Variants in LHFPL3 observed in about 807,000 individuals in gnomAD.
LHFPL3 encodes LHFPL tetraspan subfamily member 3, also known as LHFPL tetraspan subfamily member 3 protein.
In LHFPL3, 5 loss-of-function variants were observed where a neutral mutation model predicts 19.3. The ratio of observed to expected loss-of-function variants is 0.26; its 90% CI spans 0.14 to 0.54. The LOEUF is 0.54. Among genes scored for constraint, LHFPL3 ranks in the 20% least tolerant of loss-of-function variants. LHFPL3 has a pLI of 0.94. For synonymous variants in LHFPL3, 133 were observed against 126.2 expected (o/e 1.05, Z -0.36); for missense variants, 249 against 307.4 (o/e 0.81, Z 1.42).
intron 1 of LHFPL3, among the ~76,000 whole-genome samples, chr7:104,413,568 A>T (rs1711498061): frequency 6.6e-6 from 1 of 152,222 alleles, no homozygotes; most frequent in African/African-American, 2.4e-5. Flanking sequence ...TCACATAGCC[A>T]GTCAGAGGTG....
At chr7:104,535,253 A>G (rs1283827314) in intron 1 of LHFPL3, among the ~76,000 whole-genome samples, 1 of 152,232 alleles carries the variant, frequency 6.6e-6, no homozygotes, top group Non-Finnish European at 1.5e-5. Context: ...GATTGCTCAC[A>G]TTATATAACT....
At chr7:104,409,282 GC>G (rs1791486790) in intron 1 of LHFPL3, among the ~76,000 whole-genome samples, 1 of 150,322 alleles carries the variant, frequency 6.7e-6, no homozygotes, top group Admixed American at 6.6e-5. Flanking sequence ...ATCTTGAATT[GC>G]TAAAAACTTA....
intron 1 of LHFPL3, among the ~76,000 whole-genome samples, chr7:104,687,639 G>T (rs1437234491): frequency 1.3e-5 from 2 of 152,294 alleles, no homozygotes; most frequent in Middle Eastern, 3.4e-3. Context: ...AAAAAAGAGG[G>T]ATGAAGGCCA....
intron 1 of LHFPL3, among the ~76,000 whole-genome samples, chr7:104,402,999 T>C (rs1042677499): frequency 2.6e-5 from 4 of 152,082 alleles, no homozygotes; most frequent in Non-Finnish European, 4.4e-5. Context: ...AAGTTGGAGT[T>C]GAACAATTGG....
intron 2 of LHFPL3, among the ~76,000 whole-genome samples, chr7:104,758,529 T>G (rs753977297): frequency 2.0e-5 from 3 of 152,132 alleles, no homozygotes; most frequent in Non-Finnish European, 2.9e-5. Context: ...GCTAGCATAG[T>G]GCCTGGCATC....
intron 2 of LHFPL3, among the ~76,000 whole-genome samples, chr7:104,851,425 T>C (rs1212267747): frequency 6.6e-6 from 1 of 152,034 alleles, no homozygotes; most frequent in African/African-American, 2.4e-5. Context: ...TCTTGGAGAG[T>C]TGGAGATTTA....
intron 1 of LHFPL3, among the ~76,000 whole-genome samples, chr7:104,432,438 T>C (rs1433564263): frequency 6.6e-6 from 1 of 152,174 alleles, no homozygotes; most frequent in Non-Finnish European, 1.5e-5. Context: ...CTTTTTCTTC[T>C]CCTTTGAAGA....
intron 1 of LHFPL3, among the ~76,000 whole-genome samples, chr7:104,709,772 G>A (rs1297786362): frequency 5.3e-5 from 8 of 151,234 alleles, no homozygotes; most frequent in Non-Finnish European, 8.9e-5. Context: ...GGTGGCGGCC[G>A]GGCAGAGGGG....
intron 1 of LHFPL3, among the ~76,000 whole-genome samples, chr7:104,444,462 A>G (rs1399627920): frequency 6.6e-6 from 1 of 152,188 alleles, no homozygotes; most frequent in Non-Finnish European, 1.5e-5. Flanking sequence ...CTCCATATGG[A>G]TTATGTTTAA....
intron 1 of LHFPL3, among the ~76,000 whole-genome samples, chr7:104,395,581 G>T (rs1791166654): frequency 6.6e-6 from 1 of 152,168 alleles, no homozygotes; most frequent in Non-Finnish European, 1.5e-5. Context: ...CCCACTGACT[G>T]ACAGGAGAAG....
intron 1 of LHFPL3, among the ~76,000 whole-genome samples, chr7:104,466,119 G>T (rs1422584851): frequency 2.0e-5 from 3 of 152,152 alleles, no homozygotes; most frequent in African/African-American, 7.2e-5. Context: ...GAATATCTTT[G>T]TTAATTTTCT....
At chr7:104,440,040 G>GA (rs1229172492) in intron 1 of LHFPL3, among the ~76,000 whole-genome samples, 2 of 143,508 alleles carry the variant, frequency 1.4e-5, no homozygotes, top group Non-Finnish European at 3.0e-5. Flanking sequence ...AAGCCTGGGG[G>GA]GGGGGAGGGA....
intron 1 of LHFPL3, among the ~76,000 whole-genome samples, chr7:104,726,202 T>C (rs1793588705): frequency 6.6e-6 from 1 of 152,174 alleles, no homozygotes; most frequent in Non-Finnish European, 1.5e-5. Context: ...GAACCTTATT[T>C]TAGAGTGTAT....
intron 2 of LHFPL3, among the ~76,000 whole-genome samples, chr7:104,751,025 A>C (rs1266590018): frequency 6.6e-6 from 1 of 150,600 alleles, no homozygotes; most frequent in Non-Finnish European, 1.5e-5. Flanking sequence ...TTAAGTGACC[A>C]ATTTGACCAC....
intron 1 of LHFPL3, among the ~76,000 whole-genome samples, chr7:104,343,234 G>T (rs537605045): frequency 1.3e-5 from 2 of 151,810 alleles, no homozygotes; most frequent in African/African-American, 2.4e-5. Flanking sequence ...GAAGCCAAAG[G>T]CTGGGTGTGG....
At chr7:104,516,492 A>G (rs1168321091) in intron 1 of LHFPL3, among the ~76,000 whole-genome samples, 2 of 152,136 alleles carry the variant, frequency 1.3e-5, no homozygotes. Context: ...CATGTAATTA[A>G]TTTTATTTGC....
intron 1 of LHFPL3, among the ~76,000 whole-genome samples, chr7:104,473,660 G>A (rs1201204711): frequency 6.6e-6 from 1 of 152,092 alleles, no homozygotes. Context: ...CATTTTTCCT[G>A]GCTGTAAAAT....
chr7:104,757,656 C>G (rs1794309909), intron 2 of LHFPL3: 1 of 152,396 alleles, frequency 6.6e-6, no homozygotes, highest in Admixed American at 6.5e-5. Context: ...AATGAGATAT[C>G]ATCTCACACC....
intron 1 of LHFPL3, among the ~76,000 whole-genome samples, chr7:104,527,094 C>G (rs1794203422): frequency 6.6e-6 from 1 of 152,170 alleles, no homozygotes; most frequent in Non-Finnish European, 1.5e-5. Context: ...AGGATAAGCA[C>G]AAAGGCAAAG....
Sources: gnomAD v4.1 joint callset for allele counts (sites outside exome capture counted in the v4.1 genomes callset) on GRCh38, gnomAD v4.1.1 for gene constraint, MANE v1.5 for transcripts, NCBI Gene and HGNC (gene_info 2026-07-23, HGNC 2026-07-21) for gene names.